The following PDXDC1 variants were observed in gnomAD, a reference collection of about 807,000 sequenced individuals.
The protein encoded by PDXDC1 is pyridoxal dependent decarboxylase domain containing 1, also known as pyridoxal-dependent decarboxylase domain-containing protein 1.
Under a neutral mutation model 100.1 loss-of-function variants are expected in PDXDC1, and 42 were observed. That is an observed-to-expected ratio of 0.42 (90% confidence interval 0.33 to 0.54). The LOEUF is 0.54. Among genes scored for constraint, PDXDC1 ranks in the 20% least tolerant of loss-of-function variants. The pLI is 0.10. For missense variants in PDXDC1, 636 were observed against 979.2 expected (o/e 0.65, Z 4.68); for synonymous variants, 260 against 371.7 (o/e 0.70, Z 3.46).
intron 18 of PDXDC1, 69 bp from the exon 19 acceptor site, chr16:15,033,209 G>A: frequency 6.4e-7 from 1 of 1,566,716 alleles, no homozygotes; most frequent in Non-Finnish European, 8.8e-7. Context: ...CCCTGAACAG[G>A]AGAGTAGGTC....
At chr16:15,135,910 C>G (rs1463025977) in intron 16 of PDXDC1, 2 of 1,585,338 alleles carry the variant, frequency 1.3e-6, no homozygotes, top group African/African-American at 2.7e-5. Flanking sequence ...CCAGCCGCGG[C>G]AGCACCAGCT....
the PDXDC1 span, among the ~76,000 whole-genome samples, chr16:15,145,655 G>A: frequency 6.6e-6 from 1 of 152,260 alleles, no homozygotes; most frequent in Non-Finnish European, 1.5e-5. Context: ...ACCAGTGCCT[G>A]GGCACCCCGG....
At chr16:15,124,830 T>G (rs1008016288) in intron 16 of PDXDC1, among the ~76,000 whole-genome samples, 1 of 150,306 alleles carries the variant, frequency 6.7e-6, no homozygotes, top group Non-Finnish European at 1.5e-5. Flanking sequence ...AATTCAATTC[T>G]TTTTATATGC....
chr16:14,991,664 A>T (rs1231695164), intron 1 of PDXDC1, among the ~76,000 whole-genome samples: 1 of 152,224 alleles, frequency 6.6e-6, no homozygotes, highest in Non-Finnish European at 1.5e-5. Flanking sequence ...GACCAGAGGC[A>T]TGCACTACCA....
intron 8 of PDXDC1, among the ~76,000 whole-genome samples, chr16:15,011,869 G>A (rs1446331726): frequency 6.6e-6 from 1 of 152,360 alleles, no homozygotes; most frequent in Admixed American, 6.5e-5. Context: ...TCGCCATGTT[G>A]GCCAGGCTGG....
intron 13 of PDXDC1, among the ~76,000 whole-genome samples, chr16:15,023,155 C>T (rs71374765): frequency 0.1 from 15,204 of 147,750 alleles, 3 homozygotes; most frequent in Middle Eastern, 0.15. Context: ...AACCTTCTGC[C>T]ATCAGTTTTC....
intron 1 of PDXDC1, among the ~76,000 whole-genome samples, chr16:14,981,240 T>C (rs1967905310): frequency 6.6e-6 from 1 of 152,294 alleles, no homozygotes; most frequent in Non-Finnish European, 1.5e-5. Flanking sequence ...TGCTGGTAGA[T>C]AAAAATCAAG....
chr16:15,023,875 T>A (rs2151562987), intron 13 of PDXDC1, among the ~76,000 whole-genome samples: 1 of 152,406 alleles, frequency 6.6e-6, no homozygotes, highest in East Asian at 1.9e-4. Flanking sequence ...CATTGAGTCA[T>A]TTTCTTTCCA....
intron 16 of PDXDC1, chr16:15,110,704 A>C: frequency 6.3e-7 from 1 of 1,587,166 alleles, no homozygotes; most frequent in Non-Finnish European, 8.5e-7. Flanking sequence ...CACTATGGGG[A>C]CTCCAACAGA....
intron 16 of PDXDC1, among the ~76,000 whole-genome samples, chr16:15,064,224 G>A (rs559355999): frequency 1.3e-5 from 2 of 151,868 alleles, no homozygotes; most frequent in South Asian, 4.2e-4. Flanking sequence ...CGCCCAGGCT[G>A]GAGTGCATTG....
intron 1 of PDXDC1, among the ~76,000 whole-genome samples, chr16:14,987,378 T>C (rs898162160): frequency 2.0e-5 from 3 of 152,294 alleles, no homozygotes; most frequent in African/African-American, 7.2e-5. Context: ...TAGTTTTAAA[T>C]TCTGGCTCTA....
intron 16 of PDXDC1, among the ~76,000 whole-genome samples, chr16:15,117,211 G>A (rs1222980544): frequency 9.1e-5 from 1 of 10,972 alleles, no homozygotes; most frequent in Non-Finnish European, 1.9e-4. Flanking sequence ...CAGAGGTTGC[G>A]GTGAGCTGAT....
chr16:15,123,224 A>G (rs1184414645), intron 16 of PDXDC1, among the ~76,000 whole-genome samples: 8 of 149,008 alleles, frequency 5.4e-5, no homozygotes, highest in African/African-American at 7.4e-5. Context: ...CATCCCAATG[A>G]CCCCTCCCCC....
intron 6 of PDXDC1, among the ~76,000 whole-genome samples, chr16:15,007,915 G>A (rs1211085865): frequency 3.9e-5 from 6 of 152,292 alleles, no homozygotes; most frequent in African/African-American, 1.2e-4. Flanking sequence ...GTTTTTTAAA[G>A]TGTGTGTATC....
At chr16:15,043,917 C>CCA (rs1483499971) in intron 16 of PDXDC1, among the ~76,000 whole-genome samples, 1 of 151,654 alleles carries the variant, frequency 6.6e-6, no homozygotes, top group Non-Finnish European at 1.5e-5. Flanking sequence ...TACTGCACTC[C>CCA]AACTTGGGCA....
At chr16:15,044,614 ATGACT>A in intron 16 of PDXDC1, 1 of 591,600 alleles carries the variant, frequency 1.7e-6, no homozygotes, top group Non-Finnish European at 3.0e-6. Flanking sequence ...AGGGGCCCTG[ATGACT>A]GAGGGGATCC....
intron 5 of PDXDC1, among the ~76,000 whole-genome samples, chr16:15,005,834 G>T (rs1204271852): frequency 6.6e-6 from 1 of 152,266 alleles, no homozygotes; most frequent in Non-Finnish European, 1.5e-5. Flanking sequence ...TGAGTAGCTG[G>T]GACTACAGGC....
At chr16:15,029,075 G>A (rs1352994813) in intron 15 of PDXDC1, 109 bp downstream of exon 15, 13 of 1,261,916 alleles carry the variant, frequency 1.0e-5, no homozygotes, top group Non-Finnish European at 1.3e-5. Context: ...CCCACAGGAG[G>A]AGCCGCCCTG....
downstream of PDXDC1, among the ~76,000 whole-genome samples, chr16:15,042,756 G>A (rs577514889): frequency 4.1e-3 from 336 of 81,050 alleles, 1 homozygote; most frequent in Admixed American, 8.5e-3. Context: ...TTATTGAGAC[G>A]AAGTCTCGCT....
Sources: allele counts gnomAD v4.1 joint callset (sites outside exome capture counted in the v4.1 genomes callset), GRCh38; gene constraint gnomAD v4.1.1; transcripts MANE v1.5; gene names NCBI Gene and HGNC (gene_info 2026-07-23, HGNC 2026-07-21).